Variants in COBLL1 observed in about 807,000 individuals in gnomAD.
The protein encoded by COBLL1 is cordon-bleu protein-like 1.
Under a neutral mutation model 94.8 loss-of-function variants are expected in COBLL1, and 50 were observed. That is an observed-to-expected ratio of 0.53 (90% CI 0.42 to 0.67). The LOEUF (loss-of-function observed/expected upper bound fraction) is 0.67, where lower values mean the gene tolerates loss of function less well. Among genes scored for constraint, COBLL1 ranks in the 30% least tolerant of loss-of-function variants. The pLI, the probability that COBLL1 is intolerant of heterozygous loss-of-function variation, is 0.00. For missense variants in COBLL1, 1,362 were observed against 1,348.7 expected (o/e 1.01, Z -0.15); for synonymous variants, 448 against 473.8 (o/e 0.95, Z 0.71).
intron 2 of COBLL1, among the ~76,000 whole-genome samples, chr2:164,789,519 G>T (rs1350456178): frequency 1.3e-5 from 2 of 152,148 alleles, no homozygotes; most frequent in East Asian, 3.9e-4. Context: ...TGAGGAATAA[G>T]AATATGTGGG....
intron 2 of COBLL1, among the ~76,000 whole-genome samples, chr2:164,829,504 A>T: frequency 6.6e-6 from 1 of 152,192 alleles, no homozygotes; most frequent in Non-Finnish European, 1.5e-5. Flanking sequence ...TAGCTAACTA[A>T]AGCAAAAAAA....
chr2:164,841,392 G>A lies in COBLL1; in HGVS notation c.-50-146C>T, dbSNP rs1454545838. On this transcript the variant is annotated intron_variant, in intron 1 of 13. Transcript: ENST00000652658. The surrounding 1 kb of genome is among the most constrained non-coding windows in gnomAD (Gnocchi z 5.5). ...GGTGCGCTTCCACCTGCGGGCCCCG[G>A]CTCCCAGCCCGCGGGCGCCGCCGCC... The A allele has an allele frequency of 1.7e-6, 2 of 1,175,154 alleles. No homozygotes were observed. Among genetic ancestry groups the A allele is most frequent in the Non-Finnish European group, 2.1e-6 (2 of 952,182 alleles). 72.8% of individuals were successfully genotyped at this position (1,175,154 alleles called of 1,614,324 possible).
intron 2 of COBLL1, among the ~76,000 whole-genome samples, chr2:164,820,008 AT>A (rs1273850865): frequency 7.4e-6 from 1 of 135,242 alleles, no homozygotes; most frequent in Non-Finnish European, 1.6e-5. Context: ...TTTTTTTTTA[AT>A]TTTTAGTAGA....
chr2:164,672,700 C>A (rs892713814), intron 1 of COBLL1, among the ~76,000 whole-genome samples: 1 of 101,570 alleles, frequency 9.8e-6, no homozygotes, highest in Admixed American at 1.0e-4. Context: ...AGCGAGACTC[C>A]GTCTCAAAAA....
At chr2:164,763,958 G>A (rs552868926) in intron 2 of COBLL1, among the ~76,000 whole-genome samples, 28 of 152,238 alleles carry the variant, frequency 1.8e-4, no homozygotes, top group Middle Eastern at 3.4e-3. Context: ...GTGCAGGGGC[G>A]TAACTGTGGC....
chr2:164,682,701 C>T lies in COBLL1; in HGVS notation c.*3245G>A, dbSNP rs1011976526. 2.0e-5 allele frequency: 3 copies of T among 151,956 alleles called. No homozygotes were observed. The highest frequency in any genetic ancestry group is 1.5e-5 in the Non-Finnish European group (1 of 67,984). 9.4% of individuals were successfully genotyped at this position (151,956 alleles called of 1,614,324 possible). ...TAACTTTAAAAGATGAATTGCCTGCCGTTTTTAAAATAAGGTTCATTTTTA... is the reference window on the plus strand; with the variant it reads ...TAACTTTAAAAGATGAATTGCCTGCTGTTTTTAAAATAAGGTTCATTTTTA... On this transcript the variant is annotated 3_prime_UTR_variant, in exon 14 of 14. Coordinates refer to ENST00000652658, the MANE Select transcript of COBLL1 (RefSeq NM_001365672.2).
intron 2 of COBLL1, among the ~76,000 whole-genome samples, chr2:164,799,019 C>CAAAAAAAAAAAAA (rs555113117): frequency 1.1e-4 from 8 of 69,816 alleles, no homozygotes; most frequent in East Asian, 4.4e-4. Flanking sequence ...GACTCCGTCT[C>CAAAAAAAAAAAAA]AAAAAAAAAA....
In COBLL1 at chr2:164,722,092, C is replaced by T. The variant is rs74459242; in HGVS notation, c.979G>A (p.Val327Met). ...CTACACACCTTATCTGTCTCATCCA[C>T]GCTCATGGATTTCACTATACAAGAA... ...PASCIVKSMS[V>M]DETDKSPCEA... The change falls in exon 7 of 14, where the codon GTG (valine) becomes ATG (methionine). Residue 327 changes from valine to methionine, a missense_variant. Coordinates refer to ENST00000652658, the MANE Select transcript of COBLL1 (RefSeq NM_001365672.2). 71,150 of 1,603,982 alleles carry T rather than the reference C, an allele frequency of 0.044. 2,043 individuals carry two copies. Among genetic ancestry groups the T allele is most frequent in the Non-Finnish European group, 0.05 (58,462 of 1,174,396 alleles).
At chr2:164,800,967 A>C (rs535571067) in intron 2 of COBLL1, among the ~76,000 whole-genome samples, 1 of 152,278 alleles carries the variant, frequency 6.6e-6, no homozygotes, top group Non-Finnish European at 1.5e-5. Context: ...ATGTCCTGAT[A>C]GTGGTGGGAA....
chr2:164,789,937 T>C (rs1207474825), intron 2 of COBLL1, among the ~76,000 whole-genome samples: 3 of 152,238 alleles, frequency 2.0e-5, no homozygotes, highest in African/African-American at 7.2e-5. Context: ...CCAGCTGATT[T>C]TGGTCTGTTT....
At chr2:164,783,418 A>AGAAGAGAAAAGAAAG (rs141223546) in intron 2 of COBLL1, among the ~76,000 whole-genome samples, 16,918 of 151,214 alleles carry the variant, frequency 0.11, 1,292 homozygotes, top group Admixed American at 0.17. Context: ...CCTGTTGAGA[A>AGAAGAGAAAAGAAAG]GAAGAGAAAA....
At chr2:164,748,710 A>G (rs892342328) in intron 2 of COBLL1, among the ~76,000 whole-genome samples, 1 of 152,134 alleles carries the variant, frequency 6.6e-6, no homozygotes, top group African/African-American at 2.4e-5. Context: ...AACAGTAAAC[A>G]ACAGCAAATT....
downstream of COBLL1, among the ~76,000 whole-genome samples, chr2:164,675,625 G>A (rs182532708): frequency 5.3e-5 from 8 of 152,234 alleles, no homozygotes; most frequent in East Asian, 1.2e-3. Flanking sequence ...AAAGTGAGCC[G>A]AAAGTCCCAA....
At chr2:164,756,649 A>G (rs945657485) in intron 2 of COBLL1, among the ~76,000 whole-genome samples, 1 of 152,158 alleles carries the variant, frequency 6.6e-6, no homozygotes, top group African/African-American at 2.4e-5. Flanking sequence ...TGGTGGGGAC[A>G]TGTGGGCGAT....
intron 7 of COBLL1, among the ~76,000 whole-genome samples, chr2:164,716,015 C>T (rs995474522): frequency 2.6e-5 from 4 of 152,096 alleles, no homozygotes; most frequent in Non-Finnish European, 1.5e-5. Context: ...AATACTTTTC[C>T]CTGACTCTTC....
chr2:164,674,542 G>C (rs2105389494), intron 1 of COBLL1, among the ~76,000 whole-genome samples: 2 of 152,210 alleles, frequency 1.3e-5, no homozygotes. Context: ...ATAAGACAGA[G>C]GTAATAATAA....
chr2:164,719,464 G>A (rs2061006), intron 7 of COBLL1, among the ~76,000 whole-genome samples: 11,786 of 152,144 alleles, frequency 0.077, 481 homozygotes, highest in Middle Eastern at 0.099. Flanking sequence ...TGAAATCAAG[G>A]TGTTGGCGGA....
At chr2:164,693,330 A>G (rs541906385) in intron 12 of COBLL1, among the ~76,000 whole-genome samples, 1 of 152,246 alleles carries the variant, frequency 6.6e-6, no homozygotes, top group South Asian at 2.1e-4. Flanking sequence ...ATTAAGATAA[A>G]TGTTGTTATA....
At chr2:164,842,075 G>C, upstream of COBLL1, 1 of 1,477,252 alleles carries the variant, frequency 6.8e-7, no homozygotes. Flanking sequence ...GCCGGAGAGA[G>C]GAACGGGGCG....
Sources: gnomAD v4.1 joint callset for allele counts (sites outside exome capture counted in the v4.1 genomes callset) on GRCh38, gnomAD v4.1.1 for gene constraint, Gnocchi (gnomAD v3.1) non-coding constraint, MANE v1.5 for transcripts, NCBI Gene and HGNC (gene_info 2026-07-23, HGNC 2026-07-21) for gene names.